GRIA3: variants seen among roughly 807,000 people sequenced by gnomAD.
GRIA3 encodes the protein glutamate receptor 3.
Under a neutral mutation model 63.0 loss-of-function variants are expected in GRIA3, and 3 were observed. That is an observed-to-expected ratio of 0.05 (90% CI 0.02 to 0.12). The LOEUF (loss-of-function observed/expected upper bound fraction) is 0.12, where lower values mean the gene tolerates loss of function less well. GRIA3 is among the 10% of genes least tolerant of loss of function. The probability of loss-of-function intolerance (pLI) is 1.00; values close to 1 mark genes in which losing one functional copy is unlikely to be tolerated. For missense variants in GRIA3, 347 were observed against 700.9 expected, an observed-to-expected ratio of 0.50 and a Z score of 5.70; for synonymous variants, 274 against 257.9, an observed-to-expected ratio of 1.06 and a Z score of -0.60.
chrX:123,472,795 T>C (rs929877268), intron 13 of GRIA3, among the ~76,000 whole-genome samples: 36 of 112,858 alleles, frequency 3.2e-4, no homozygotes, highest in Non-Finnish European at 9.4e-5. Flanking sequence ...TGCTGCAGCA[T>C]AGATGCTCAT....
intron 9 of GRIA3, among the ~76,000 whole-genome samples, 176 bp downstream of exon 9, chrX:123,403,695 A>C (rs1322510689): frequency 1.8e-5 from 2 of 112,121 alleles, no homozygotes; most frequent in East Asian, 5.6e-4. Flanking sequence ...GTCATTTAAC[A>C]AAAAGAGAGA....
chrX:123,468,624 C>A (rs973113755), intron 13 of GRIA3, among the ~76,000 whole-genome samples: 3 of 112,661 alleles, frequency 2.7e-5, no homozygotes, highest in African/African-American at 9.7e-5. Flanking sequence ...ACAAAATAGA[C>A]TTAAAGTAAT....
rs988127478 is a variant in GRIA3, at chrX:123,303,580, T to C, written c.509-22446T>C. 7.5e-4 allele frequency among the ~76,000 whole-genome samples: 83 copies of C among 110,646 alleles called. 1 individual carries two copies. In the Admixed American group the frequency reaches 8.1e-3, roughly 11 times the overall value. On this transcript the variant is annotated intron_variant, in intron 3 of 15. Transcript: ENST00000620443. Reference sequence around the variant, plus strand: ...ATCTATGTTTCATGTTTTGCATCGTTACTTATTTCAGGCGGGGTCAGTACT... The same window carrying C: ...ATCTATGTTTCATGTTTTGCATCGTCACTTATTTCAGGCGGGGTCAGTACT...
intron 13 of GRIA3, among the ~76,000 whole-genome samples, chrX:123,476,234 G>C (rs1453345711): frequency 8.9e-6 from 1 of 111,799 alleles, no homozygotes; most frequent in East Asian, 2.8e-4. Context: ...TAAATAATAA[G>C]GCAAGGTAGA....
At chrX:123,242,663 G>A (rs766762066) in intron 2 of GRIA3, among the ~76,000 whole-genome samples, 5 of 112,214 alleles carry the variant, frequency 4.5e-5, no homozygotes, top group East Asian at 2.8e-4. Context: ...CTACTTACTC[G>A]TTGATACTCA....
At chrX:123,486,136 G>A (rs763441155) in intron 15 of GRIA3, among the ~76,000 whole-genome samples, 23 of 94,545 alleles carry the variant, frequency 2.4e-4, no homozygotes, top group Non-Finnish European at 4.7e-4. Context: ...GGGAAGGAAG[G>A]AGGGAAGGAA....
chrX:123,217,346 G>C (rs1175098970), intron 2 of GRIA3, among the ~76,000 whole-genome samples: 1 of 111,426 alleles, frequency 9.0e-6, no homozygotes, highest in Non-Finnish European at 1.9e-5. Context: ...AGAGGGTGGA[G>C]GAAAGAAGCA....
In GRIA3 at chrX:123,453,021, G is replaced by C. The variant is rs187151580; in HGVS notation, c.2077-11844G>C. Among the ~76,000 whole-genome samples the C allele has an allele frequency of 2.2e-3, 244 of 112,108 alleles. 1 individual carries two copies. In the East Asian group the frequency reaches 0.035, roughly 16 times the overall value. The stretch of plus-strand genomic sequence containing the variant: ...ATCTAGAACTAGAAATACCATTTGA[G>C]CCAGCCATCCCATTACTGGGTATAT... On this transcript the variant is annotated intron_variant, in intron 12 of 15. Transcript: ENST00000620443.
At chrX:123,402,816 A>G (rs978345353) in intron 7 of GRIA3, among the ~76,000 whole-genome samples, 178 bp from the exon 8 acceptor site, 9 of 111,733 alleles carry the variant, frequency 8.1e-5, no homozygotes, top group African/African-American at 2.9e-4. Flanking sequence ...AGGCATGCCA[A>G]GAAAATACTG....
intron 4 of GRIA3, among the ~76,000 whole-genome samples, chrX:123,341,633 C>T (rs2045009412): frequency 8.9e-6 from 1 of 112,398 alleles, no homozygotes; most frequent in Admixed American, 9.4e-5. Flanking sequence ...CCTCCAAAAG[C>T]TTAGAAAGCC....
chrX:123,434,201 G>T (rs758360299), intron 12 of GRIA3, among the ~76,000 whole-genome samples: 1 of 111,850 alleles, frequency 8.9e-6, no homozygotes, highest in Non-Finnish European at 1.9e-5. Flanking sequence ...TTATAATTGA[G>T]CTATGTACAC....
chrX:123,377,074 A>G (rs2045290473), intron 5 of GRIA3, among the ~76,000 whole-genome samples: 1 of 108,759 alleles, frequency 9.2e-6, no homozygotes, highest in African/African-American at 3.4e-5. Flanking sequence ...AGCTGGGACT[A>G]TAGGCGCCCG....
chrX:123,395,674 T>C lies in GRIA3; in HGVS notation c.912+545T>C, dbSNP rs757147478. Among the ~76,000 whole-genome samples, 4 of 111,683 alleles carry C rather than the reference T, an allele frequency of 3.6e-5. No individual in the cohort carries two copies. The Admixed American group carries it at 3.8e-4, about 11-fold the overall frequency. ...ACCTAGATTGCTCATTTTCACAAAA[T>C]CAAGATAAGAATATTAAAAGCAGAA... On this transcript the variant is annotated intron_variant, in intron 6 of 15. Coordinates refer to ENST00000620443, the MANE Select transcript of GRIA3 (RefSeq NM_007325.5).
chrX:123,404,854 T>C lies in GRIA3; in HGVS notation c.1440T>C (p.Tyr480=), dbSNP rs756780145. The change falls in exon 10 of 16, where the codon TAT becomes TAC. Residue 480 remains tyrosine (Y), a synonymous_variant. Coordinates refer to ENST00000620443, the MANE Select transcript of GRIA3 (RefSeq NM_007325.5). The part of the protein sequence containing the change: ...YKLSIVGDGK[Y]GARDPETKIW... ...TGTCCATCGTTGGTGACGGGAAATA[T>C]GGTGCAAGGGATCCAGAGACTAAAA... The C allele has an allele frequency of 6.4e-5, 77 of 1,208,200 alleles. No individual in the cohort carries two copies. The Admixed American group carries it at 1.5e-3, about 24-fold the overall frequency.
At chrX:123,478,826 T>C (rs1347189078) in intron 13 of GRIA3, among the ~76,000 whole-genome samples, 2 of 112,787 alleles carry the variant, frequency 1.8e-5, no homozygotes, top group African/African-American at 6.4e-5. Flanking sequence ...TATTTGGCAA[T>C]ATTGCTCCCA....
intron 5 of GRIA3, among the ~76,000 whole-genome samples, chrX:123,365,963 T>A (rs1348941912): frequency 8.9e-6 from 1 of 111,902 alleles, no homozygotes; most frequent in African/African-American, 3.3e-5. Context: ...ATTCATGAGT[T>A]TTCTGGGAAA....
chrX:123,432,677 A>G (rs1569435853), intron 12 of GRIA3, among the ~76,000 whole-genome samples: 1 of 109,813 alleles, frequency 9.1e-6, no homozygotes, highest in East Asian at 2.8e-4. Flanking sequence ...GAGATGTTTC[A>G]GAGTTTCAGA....
intron 4 of GRIA3, among the ~76,000 whole-genome samples, chrX:123,326,473 A>G (rs995355531): frequency 1.8e-5 from 2 of 111,879 alleles, no homozygotes; most frequent in African/African-American, 3.3e-5. Context: ...AATGCTACCT[A>G]TCAGATAAAC....
At chrX:123,346,113 G>A (rs1204192230) in intron 4 of GRIA3, among the ~76,000 whole-genome samples, 1 of 111,631 alleles carries the variant, frequency 9.0e-6, no homozygotes, top group African/African-American at 3.3e-5. Context: ...AAGTCATACA[G>A]CAAAGTAGGA....
Sources: allele counts gnomAD v4.1 joint callset (sites outside exome capture counted in the v4.1 genomes callset), GRCh38; gene constraint gnomAD v4.1.1; transcripts MANE v1.5; gene names NCBI Gene and HGNC (gene_info 2026-07-23, HGNC 2026-07-21).